Variants in ULK4 observed in about 807,000 individuals in gnomAD.
The protein encoded by ULK4 is unc-51 like kinase 4.
In ULK4, 133 loss-of-function variants were observed where a neutral mutation model predicts 160.6. The observed-to-expected ratio is 0.83, with a 90% CI of 0.72 to 0.96. The LOEUF is 0.96. Ranked by LOEUF, ULK4 falls within the 40% of genes least tolerant of loss-of-function variation. ULK4 has a pLI of 0.00. For missense variants in ULK4, 1,580 were observed against 1,499.5 expected, an observed-to-expected ratio of 1.05 and a Z score of -0.89; for synonymous variants, 534 against 539.8, an observed-to-expected ratio of 0.99 and a Z score of 0.15.
chr3:41,597,053 G>C (rs1390970979), intron 31 of ULK4, among the ~76,000 whole-genome samples: 1 of 152,128 alleles, frequency 6.6e-6, no homozygotes, highest in Non-Finnish European at 1.5e-5. Context: ...GGTCAGGACA[G>C]AGAACAGGCC....
At chr3:41,541,442 A>C (rs1186757342) in intron 32 of ULK4, among the ~76,000 whole-genome samples, 1 of 152,142 alleles carries the variant, frequency 6.6e-6, no homozygotes, top group Non-Finnish European at 1.5e-5. Flanking sequence ...CTTGTAGCAT[A>C]GTTTGAAGTC....
intron 22 of ULK4, among the ~76,000 whole-genome samples, chr3:41,725,030 T>G (rs550572876): frequency 3.3e-5 from 5 of 152,332 alleles, no homozygotes; most frequent in African/African-American, 1.2e-4. Context: ...TGATTATATA[T>G]GTTGATTATG....
At chr3:41,298,669 T>C (rs2079721018) in intron 35 of ULK4, among the ~76,000 whole-genome samples, 1 of 152,152 alleles carries the variant, frequency 6.6e-6, no homozygotes, top group African/African-American at 2.4e-5. Context: ...CTGGGAAGGT[T>C]GTGAACTTTC....
chr3:41,665,076 C>A (rs1251870004), intron 29 of ULK4, among the ~76,000 whole-genome samples: 1 of 152,024 alleles, frequency 6.6e-6, no homozygotes. Context: ...TAGCCAACAA[C>A]TAAAAAGGAA....
intron 35 of ULK4, among the ~76,000 whole-genome samples, chr3:41,388,546 T>C (rs2081877510): frequency 6.6e-6 from 1 of 152,096 alleles, no homozygotes; most frequent in Non-Finnish European, 1.5e-5. Context: ...TGAATTAATT[T>C]TTGTCTAAGG....
At position 41,255,977 on chromosome 3, in the gene ULK4, G is replaced by A. The variant is rs189105392; in HGVS notation, c.3679-6403C>T. Among the ~76,000 whole-genome samples, 612 of 152,276 alleles carry A rather than the reference G, an allele frequency of 4.0e-3. 1 individual carries two copies. Among genetic ancestry groups the A allele is most frequent in the Middle Eastern group, 0.024 (7 of 294 alleles). The stretch of plus-strand genomic sequence containing the variant: ...ACCATCTGCTGGGTCTTTAAGGCAA[G>A]TCCTGACAAATTCCAAAGGTATAAA... On this transcript the variant is annotated intron_variant, in intron 35 of 36. Coordinates refer to ENST00000301831, the MANE Select transcript of ULK4 (RefSeq NM_017886.4).
At chr3:41,329,506 C>A (rs1434604968) in intron 35 of ULK4, among the ~76,000 whole-genome samples, 12 of 152,156 alleles carry the variant, frequency 7.9e-5, no homozygotes, top group Non-Finnish European at 1.6e-4. Flanking sequence ...CAACTTTCAC[C>A]ATTAATGGTT....
intron 2 of ULK4, among the ~76,000 whole-genome samples, chr3:41,944,421 CAG>C (rs1700052895): frequency 1.3e-5 from 2 of 152,108 alleles, no homozygotes. Context: ...GTCTGGGCTA[CAG>C]AGTGAGATCC....
chr3:41,371,335 C>T (rs1367776147), intron 35 of ULK4, among the ~76,000 whole-genome samples: 1 of 152,204 alleles, frequency 6.6e-6, no homozygotes, highest in African/African-American at 2.4e-5. Flanking sequence ...CCCTGACCCC[C>T]GTGCCTCCTG....
chr3:41,833,101 G>T (rs973784025), intron 18 of ULK4, among the ~76,000 whole-genome samples: 1 of 152,044 alleles, frequency 6.6e-6, no homozygotes. Flanking sequence ...AAATAGCATT[G>T]AATCTATAAA....
intron 7 of ULK4, 31 bp downstream of exon 7, chr3:41,918,426 A>G (rs748400219): frequency 1.4e-6 from 2 of 1,477,562 alleles, no homozygotes; most frequent in South Asian, 2.6e-5. Flanking sequence ...GTAAAATGTA[A>G]ATTAATTCCA....
At chr3:41,842,792 A>G (rs1162475055) in intron 17 of ULK4, among the ~76,000 whole-genome samples, 1 of 152,012 alleles carries the variant, frequency 6.6e-6, no homozygotes, top group South Asian at 2.1e-4. Context: ...ACAACAAAGC[A>G]AAACAGGCTA....
At chr3:41,760,645 G>A (rs1315412790) in intron 21 of ULK4, among the ~76,000 whole-genome samples, 1 of 152,052 alleles carries the variant, frequency 6.6e-6, no homozygotes, top group Non-Finnish European at 1.5e-5. Flanking sequence ...TTAAAATATT[G>A]TATGAAATTA....
intron 30 of ULK4, among the ~76,000 whole-genome samples, chr3:41,636,550 A>C (rs1254888929): frequency 6.6e-6 from 1 of 151,588 alleles, no homozygotes; most frequent in Non-Finnish European, 1.5e-5. Context: ...AAAAAAAAAA[A>C]GAAAAGAAGA....
intron 23 of ULK4, among the ~76,000 whole-genome samples, chr3:41,717,019 A>G (rs1036114024): frequency 2.0e-5 from 3 of 152,192 alleles, no homozygotes; most frequent in Non-Finnish European, 2.9e-5. Context: ...TAGAAAATGG[A>G]AAGACAGATA....
intron 5 of ULK4, among the ~76,000 whole-genome samples, chr3:41,925,632 C>T (rs917443563): frequency 6.6e-6 from 1 of 152,018 alleles, no homozygotes; most frequent in African/African-American, 2.4e-5. Flanking sequence ...CCCACGGAGC[C>T]CAGCAAGCTA....
At chr3:41,593,878 A>G (rs900641317) in intron 31 of ULK4, among the ~76,000 whole-genome samples, 1 of 151,716 alleles carries the variant, frequency 6.6e-6, no homozygotes, top group Non-Finnish European at 1.5e-5. Context: ...AAAAAATATA[A>G]AAAACTTAGC....
At chr3:41,719,722 T>A (rs900711264) in intron 22 of ULK4, among the ~76,000 whole-genome samples, 1 of 152,330 alleles carries the variant, frequency 6.6e-6, no homozygotes, top group Admixed American at 6.5e-5. Flanking sequence ...GTCCATCTGC[T>A]TCTACTCTGC....
chr3:41,804,579 T>C (rs139656633), intron 19 of ULK4, among the ~76,000 whole-genome samples: 3 of 150,526 alleles, frequency 2.0e-5, no homozygotes, highest in Admixed American at 6.6e-5. Context: ...CTGAATGGTA[T>C]TGCCTAGGTT....
Sources: gnomAD v4.1 joint callset for allele counts (sites outside exome capture counted in the v4.1 genomes callset) on GRCh38, gnomAD v4.1.1 for gene constraint, MANE v1.5 for transcripts, NCBI Gene and HGNC (gene_info 2026-07-23, HGNC 2026-07-21) for gene names.